Variants in C8orf74 observed in about 807,000 individuals in gnomAD.
The protein encoded by C8orf74 is uncharacterized protein C8orf74.
Under a neutral mutation model 22.2 loss-of-function variants are expected in C8orf74, and 29 were observed. The observed-to-expected ratio is 1.31, with a 90% CI of 0.97 to 1.78. The LOEUF is 1.78. Among genes scored for constraint, C8orf74 ranks in the 40% most tolerant of loss-of-function variants. The probability of loss-of-function intolerance (pLI) is 0.00; values close to 1 mark genes in which losing one functional copy is unlikely to be tolerated. For synonymous variants in C8orf74, 255 were observed against 163.1 expected, an observed-to-expected ratio of 1.56 and a Z score of -4.30; for missense variants, 515 against 369.9, an observed-to-expected ratio of 1.39 and a Z score of -3.22.
rs570977752 is a variant in C8orf74 at position 10,693,263 on chromosome 8, C to G, written c.242-4336C>G. 1.4e-4 allele frequency among the ~76,000 whole-genome samples: 21 copies of G among 152,332 alleles called. No individual in the cohort carries two copies. The South Asian group carries it at 4.1e-3, about 30-fold the overall frequency. ...CTCCCCCTCTTGCCTTGCCCTTCAC[C>G]ACCTCTCTTTGCCCAGTAAACCCCT... is the stretch of plus-strand genomic sequence containing the variant. On this transcript the variant is annotated intron_variant, in intron 2 of 3. Coordinates refer to ENST00000304519, the MANE Select transcript of C8orf74 (RefSeq NM_001040032.2).
chr8:10,681,675 C>T (rs1349484605), intron 2 of C8orf74, among the ~76,000 whole-genome samples: 2 of 152,170 alleles, frequency 1.3e-5, no homozygotes, highest in African/African-American at 4.8e-5. Flanking sequence ...TGTGCTGCTC[C>T]GCCCTTCATC....
intron 2 of C8orf74, chr8:10,688,835 GT>G (rs1329467750): frequency 6.6e-6 from 1 of 152,276 alleles, no homozygotes; most frequent in African/African-American, 2.4e-5. Context: ...GGGACCACTT[GT>G]GCTGCAGTAG....
chr8:10,695,668 C>G (rs546021716), intron 2 of C8orf74, among the ~76,000 whole-genome samples: 1 of 152,222 alleles, frequency 6.6e-6, no homozygotes, highest in East Asian at 1.9e-4. Context: ...GGTGGGGAGA[C>G]TTCAAAACAA....
chr8:10,698,901 CCACACACACACACACACACACACA>C (rs59324425), intron 3 of C8orf74, among the ~76,000 whole-genome samples: 27 of 137,628 alleles, frequency 2.0e-4, no homozygotes, highest in Admixed American at 1.6e-3. Context: ...TACACACACA[CCACACACACACACACACACACACA>C]CACACACACA....
In C8orf74 at chr8:10,699,338, C is replaced by T. The variant is rs532717703; in HGVS notation, c.649-897C>T. Among the ~76,000 whole-genome samples the T allele has an allele frequency of 4.0e-5, 6 of 151,232 alleles. No homozygotes were observed. In the South Asian group the frequency reaches 6.2e-4, roughly 16 times the overall value. The stretch of plus-strand genomic sequence containing the variant: ...GCACTCAAGGGCATAGAACAAAAAA[C>T]ACCACGCATTCTCTTATAGCACAAC... On this transcript the variant is annotated intron_variant, in intron 3 of 3. Coordinates refer to ENST00000304519, the MANE Select transcript of C8orf74 (RefSeq NM_001040032.2).
At chr8:10,676,747 G>C (rs1799040613) in intron 2 of C8orf74, among the ~76,000 whole-genome samples, 1 of 152,162 alleles carries the variant, frequency 6.6e-6, no homozygotes, top group South Asian at 2.1e-4. Flanking sequence ...GGAGCCTTCA[G>C]GGTATCCCTC....
chr8:10,698,358 G>T (rs779357082), intron 3 of C8orf74, among the ~76,000 whole-genome samples: 3 of 152,104 alleles, frequency 2.0e-5, no homozygotes, highest in Non-Finnish European at 4.4e-5. Flanking sequence ...GCAGGAAAAA[G>T]ACTCCAGCTT....
chr8:10,685,807 C>T (rs565290516), intron 2 of C8orf74, among the ~76,000 whole-genome samples: 2 of 152,310 alleles, frequency 1.3e-5, no homozygotes, highest in East Asian at 1.9e-4. Flanking sequence ...AAGTGGCTCA[C>T]GCCTGTAATC....
At chr8:10,681,166 C>A (rs1185382797) in intron 2 of C8orf74, among the ~76,000 whole-genome samples, 1 of 152,044 alleles carries the variant, frequency 6.6e-6, no homozygotes, top group Non-Finnish European at 1.5e-5. Flanking sequence ...GGCCTTGGCG[C>A]AGGGAGGGAA....
intron 2 of C8orf74, among the ~76,000 whole-genome samples, chr8:10,679,105 G>A (rs1256054791): frequency 6.6e-6 from 1 of 152,136 alleles, no homozygotes; most frequent in African/African-American, 2.4e-5. Context: ...GTGGGACCTT[G>A]GCCATTCCCT....
intron 3 of C8orf74, among the ~76,000 whole-genome samples, chr8:10,698,564 C>G (rs1176579294): frequency 1.3e-5 from 2 of 152,076 alleles, no homozygotes; most frequent in Non-Finnish European, 2.9e-5. Flanking sequence ...GAGGTTCTGC[C>G]AGACCACTGG....
chr8:10,693,358 G>A (rs534540335), intron 2 of C8orf74, among the ~76,000 whole-genome samples: 11 of 152,224 alleles, frequency 7.2e-5, no homozygotes, highest in African/African-American at 2.6e-4. Context: ...TTCCTGTCAT[G>A]TGTGCTGCCA....
At chr8:10,698,475 G>A (rs1352093074) in intron 3 of C8orf74, among the ~76,000 whole-genome samples, 1 of 152,132 alleles carries the variant, frequency 6.6e-6, no homozygotes. Flanking sequence ...TGACCAGGGA[G>A]ACAAAGGCTG....
chr8:10,693,516 C>T (rs956251264), intron 2 of C8orf74, among the ~76,000 whole-genome samples: 1 of 152,188 alleles, frequency 6.6e-6, no homozygotes, highest in Non-Finnish European at 1.5e-5. Context: ...TCCACCTTGA[C>T]ATATTAGAGC....
chr8:10,679,518 A>T (rs566240388), intron 2 of C8orf74, among the ~76,000 whole-genome samples: 31 of 152,272 alleles, frequency 2.0e-4, no homozygotes, highest in Non-Finnish European at 4.0e-4. Flanking sequence ...ATAGGCTCTG[A>T]GTCACCAGCC....
At chr8:10,678,826 C>T (rs932083046) in intron 2 of C8orf74, among the ~76,000 whole-genome samples, 66 of 152,288 alleles carry the variant, frequency 4.3e-4, no homozygotes, top group African/African-American at 1.5e-3. Context: ...CACCTCGGCT[C>T]ACCACGGTGC....
chr8:10,680,573 A>G (rs964184527), intron 2 of C8orf74, among the ~76,000 whole-genome samples: 4 of 152,312 alleles, frequency 2.6e-5, no homozygotes, highest in Middle Eastern at 3.4e-3. Context: ...CTCACTGTCT[A>G]CACCCTTTCT....
intron 2 of C8orf74, among the ~76,000 whole-genome samples, chr8:10,679,059 A>T (rs116463794): frequency 6.6e-6 from 1 of 151,954 alleles, no homozygotes; most frequent in Non-Finnish European, 1.5e-5. Flanking sequence ...TGAGCCCTAC[A>T]TGTTTCTGGG....
chr8:10,676,576 T>C (rs983522966), intron 2 of C8orf74, among the ~76,000 whole-genome samples: 2 of 152,196 alleles, frequency 1.3e-5, no homozygotes, highest in African/African-American at 4.8e-5. Flanking sequence ...TTTAATCTCT[T>C]CGGCTGCCAG....
Sources: gnomAD v4.1 joint callset for allele counts (sites outside exome capture counted in the v4.1 genomes callset) on GRCh38, gnomAD v4.1.1 for gene constraint, MANE v1.5 for transcripts, NCBI Gene and HGNC (gene_info 2026-07-23, HGNC 2026-07-21) for gene names.